Variants in KCNQ5 observed in about 807,000 individuals in gnomAD.
KCNQ5 encodes potassium voltage-gated channel subfamily KQT member 5.
A neutral mutation model predicts 98.2 loss-of-function variants in KCNQ5; 30 were observed. The ratio of observed to expected loss-of-function variants is 0.31; its 90% confidence interval spans 0.23 to 0.41. KCNQ5 has a LOEUF of 0.41. KCNQ5 is among the 10% of genes least tolerant of loss of function. The probability of loss-of-function intolerance (pLI) is 1.00; values close to 1 mark genes in which losing one functional copy is unlikely to be tolerated. For synonymous variants in KCNQ5, 458 were observed against 449.4 expected (o/e 1.02, Z -0.24); for missense variants, 835 against 1,182.5 (o/e 0.71, Z 4.31).
intron 1 of KCNQ5, among the ~76,000 whole-genome samples, chr6:72,662,353 T>C (rs1362808787): frequency 6.6e-6 from 1 of 152,172 alleles, no homozygotes; most frequent in Non-Finnish European, 1.5e-5. Flanking sequence ...TTTCCTTGTA[T>C]AGTAAAATAT....
At chr6:72,689,978 A>G (rs1261980060) in intron 1 of KCNQ5, among the ~76,000 whole-genome samples, 2 of 152,196 alleles carry the variant, frequency 1.3e-5, no homozygotes, top group Non-Finnish European at 1.5e-5. Context: ...AGTGGCTTAC[A>G]AAAGCATGAA....
intron 1 of KCNQ5, among the ~76,000 whole-genome samples, chr6:72,892,363 A>G (rs1188278399): frequency 6.6e-6 from 1 of 152,192 alleles, no homozygotes; most frequent in African/African-American, 2.4e-5. Context: ...GATAATTTGT[A>G]GTGCCTCAAT....
chr6:73,182,940 C>T (rs1778450853), intron 11 of KCNQ5, among the ~76,000 whole-genome samples: 1 of 152,148 alleles, frequency 6.6e-6, no homozygotes, highest in Admixed American at 6.5e-5. Context: ...ATTACAATTA[C>T]TGGAGGTAGG....
At chr6:73,189,041 G>C (rs979645798) in intron 11 of KCNQ5, among the ~76,000 whole-genome samples, 1 of 150,008 alleles carries the variant, frequency 6.7e-6, no homozygotes, top group Non-Finnish European at 1.5e-5. Context: ...TTGACAGTCT[G>C]GTATATGGAA....
At chr6:72,933,048 A>T (rs541760161) in intron 1 of KCNQ5, among the ~76,000 whole-genome samples, 67 of 152,338 alleles carry the variant, frequency 4.4e-4, no homozygotes, top group African/African-American at 1.6e-3. Context: ...AACATAAAAA[A>T]CAAATTCAAT....
chr6:72,863,691 T>C (rs2226135), intron 1 of KCNQ5, among the ~76,000 whole-genome samples: 10,487 of 152,268 alleles, frequency 0.069, 980 homozygotes, highest in African/African-American at 0.2. Context: ...AAGTAAGGCA[T>C]TAATTTCCTT....
At chr6:72,988,376 C>A (rs1768911724) in intron 1 of KCNQ5, among the ~76,000 whole-genome samples, 1 of 152,044 alleles carries the variant, frequency 6.6e-6, no homozygotes, top group South Asian at 2.1e-4. Flanking sequence ...AAACTGGAGG[C>A]CAAAGTCCTA....
At chr6:72,916,809 C>T (rs753961081) in intron 1 of KCNQ5, among the ~76,000 whole-genome samples, 6 of 152,094 alleles carry the variant, frequency 3.9e-5, no homozygotes, top group Non-Finnish European at 5.9e-5. Context: ...GCCATTTCTG[C>T]CTCTGGCAAT....
At chr6:73,088,151 A>G (rs973343101) in intron 5 of KCNQ5, among the ~76,000 whole-genome samples, 3 of 150,462 alleles carry the variant, frequency 2.0e-5, no homozygotes, top group African/African-American at 7.3e-5. Context: ...CCTCCTGAGT[A>G]GCTGGGATTA....
intron 3 of KCNQ5, among the ~76,000 whole-genome samples, chr6:73,060,515 T>A (rs528937661): frequency 4.9e-4 from 74 of 152,214 alleles, no homozygotes; most frequent in African/African-American, 1.6e-3. Context: ...GATTTTCTAA[T>A]TATAACTAAA....
intron 10 of KCNQ5, among the ~76,000 whole-genome samples, chr6:73,153,795 GT>G (rs1265419712): frequency 6.6e-6 from 1 of 151,178 alleles, no homozygotes; most frequent in Admixed American, 6.6e-5. Context: ...AAATTTTTAT[GT>G]CAAGAATGTC....
At chr6:72,829,643 A>G (rs1776148669) in intron 1 of KCNQ5, among the ~76,000 whole-genome samples, 1 of 152,196 alleles carries the variant, frequency 6.6e-6, no homozygotes, top group Admixed American at 6.5e-5. Flanking sequence ...TTAATTTGCC[A>G]CATGTATTAT....
At chr6:72,909,797 C>G (rs1050415695) in intron 1 of KCNQ5, among the ~76,000 whole-genome samples, 31 of 152,174 alleles carry the variant, frequency 2.0e-4, no homozygotes, top group African/African-American at 7.0e-4. Flanking sequence ...AATAGACTGA[C>G]TGTATCTAAG....
chr6:73,181,775 C>T (rs980702830), intron 11 of KCNQ5, among the ~76,000 whole-genome samples: 1 of 152,220 alleles, frequency 6.6e-6, no homozygotes, highest in African/African-American at 2.4e-5. Flanking sequence ...TGGAGCCAAA[C>T]TGGTTCACGT....
intron 1 of KCNQ5, among the ~76,000 whole-genome samples, chr6:72,947,876 T>G (rs886144942): frequency 4.6e-5 from 7 of 152,196 alleles, no homozygotes; most frequent in Non-Finnish European, 7.4e-5. Flanking sequence ...TTTGTTTTAC[T>G]AGAAACAATT....
chr6:72,778,009 A>G (rs1050511727), intron 1 of KCNQ5, among the ~76,000 whole-genome samples: 1 of 152,200 alleles, frequency 6.6e-6, no homozygotes, highest in Admixed American at 6.5e-5. Flanking sequence ...AACTCAAGGA[A>G]GGCATGCAAT....
intron 11 of KCNQ5, among the ~76,000 whole-genome samples, chr6:73,170,420 CCACACACACA>C (rs57867720): frequency 0.15 from 20,431 of 140,786 alleles, 1,410 homozygotes; most frequent in Middle Eastern, 0.23. Context: ...ACCTTTCCCA[CCACACACACA>C]CACACACACA....
At chr6:73,068,252 C>T (rs537430701) in intron 3 of KCNQ5, among the ~76,000 whole-genome samples, 11 of 152,186 alleles carry the variant, frequency 7.2e-5, no homozygotes, top group South Asian at 2.1e-4. Flanking sequence ...GCTGAGATTG[C>T]ACCATTGCCC....
At chr6:73,091,272 T>G in intron 5 of KCNQ5, among the ~76,000 whole-genome samples, 1 of 151,696 alleles carries the variant, frequency 6.6e-6, no homozygotes. Flanking sequence ...AGCTGAACAA[T>G]GAGAACACAT....
Sources: allele counts gnomAD v4.1 joint callset (sites outside exome capture counted in the v4.1 genomes callset), GRCh38; gene constraint gnomAD v4.1.1; transcripts MANE v1.5; gene names NCBI Gene and HGNC (gene_info 2026-07-23, HGNC 2026-07-21).